Variants in SBK1 observed in about 807,000 individuals in gnomAD.
The protein encoded by SBK1 is serine/threonine-protein kinase SBK1.
In SBK1, 11 loss-of-function variants were observed where a neutral mutation model predicts 24.4. The observed-to-expected ratio is 0.45, with a 90% CI of 0.28 to 0.75. The LOEUF (loss-of-function observed/expected upper bound fraction) is 0.75, where lower values mean the gene tolerates loss of function less well. Among genes scored for constraint, SBK1 ranks in the 30% least tolerant of loss-of-function variants. SBK1 has a pLI of 0.12. For synonymous variants in SBK1, 308 were observed against 284.4 expected (o/e 1.08, Z -0.83); for missense variants, 467 against 620.5 (o/e 0.75, Z 2.63).
At chr16:28,270,276 G>A (rs1394562915) in intron 1 of SBK1, among the ~76,000 whole-genome samples, 1 of 151,886 alleles carries the variant, frequency 6.6e-6, no homozygotes, top group East Asian at 1.9e-4. Context: ...TGGCCAGGAT[G>A]GTCTCGATCT....
At position 28,259,875 on chromosome 16, in the gene SBK1, C is replaced by A. The variant is rs549881867; in HGVS notation, c.257+373C>A. Among the ~76,000 whole-genome samples, 24 of 152,184 alleles carry A rather than the reference C, an allele frequency of 1.6e-4. No homozygotes were observed. Among genetic ancestry groups the A allele is most frequent in the African/African-American group, 5.5e-4 (23 of 41,532 alleles). On this transcript the variant is annotated intron_variant, in intron 1 of 3. Transcript: ENST00000671413. The surrounding 1 kb of genome is among the most constrained non-coding windows in gnomAD (Gnocchi z 6.0). ...ATCTCACTCTGTTCCCCTATATTAA[C>A]CTCCAGTGAAACTCTGCCCAGACTT...
At chr16:28,280,325 C>A (rs796141934) in intron 1 of SBK1, among the ~76,000 whole-genome samples, 2 of 128,044 alleles carry the variant, frequency 1.6e-5, no homozygotes, top group Non-Finnish European at 1.6e-5. Context: ...TATATATATA[C>A]GTACATATGT....
chr16:28,287,254 A>G (rs1220368026), intron 1 of SBK1, among the ~76,000 whole-genome samples: 1 of 149,038 alleles, frequency 6.7e-6, no homozygotes, highest in Non-Finnish European at 1.5e-5. Flanking sequence ...CAGCCTGACC[A>G]ATATGGTGAA....
chr16:28,300,613 T>C (rs977208769), intron 1 of SBK1, among the ~76,000 whole-genome samples: 3 of 152,176 alleles, frequency 2.0e-5, no homozygotes, highest in Non-Finnish European at 2.9e-5. Flanking sequence ...CTTGAGCCGC[T>C]GTGCCTGGCC....
chr16:28,264,048 G>A (rs2044413163), intron 1 of SBK1, among the ~76,000 whole-genome samples: 1 of 152,130 alleles, frequency 6.6e-6, no homozygotes, highest in Non-Finnish European at 1.5e-5. Flanking sequence ...AGGGTTGCTT[G>A]AACCCAGGAG....
chr16:28,259,361 C>A lies in SBK1; in HGVS notation c.116C>A (p.Thr39Asn). Residue 39 changes from threonine (T) to asparagine (N), a missense_variant, in exon 1 of 4, where the codon ACC (threonine) becomes AAC (asparagine). Physicochemically the swap from Thr to Asn is moderately conservative, Grantham distance 65. Coordinates refer to the SBK1 transcript ENST00000671413. This position sits in a 1 kb window ranked among gnomAD's most constrained non-coding sequence, Gnocchi z 6.0. ...GCTGGCGATGATGCTGCGGAGGCCACCCCTGGCCACCCCTGCCCTGTCCTG... is the reference window on the plus strand; with the variant it reads ...GCTGGCGATGATGCTGCGGAGGCCAACCCTGGCCACCCCTGCCCTGTCCTG... 1 of 740,398 alleles carries A rather than the reference C, an allele frequency of 1.4e-6. No homozygotes were observed. Among genetic ancestry groups the A allele is most frequent in the Non-Finnish European group, 1.6e-6 (1 of 606,282 alleles). The allele number at this position is 740,398 out of a possible 1,614,324, so 45.9% of individuals were successfully genotyped here.
At chr16:28,260,077 T>C (rs2044387903) in intron 1 of SBK1, among the ~76,000 whole-genome samples, 1 of 94,672 alleles carries the variant, frequency 1.1e-5, no homozygotes, top group Admixed American at 1.1e-4. Context: ...CATGCATGTG[T>C]ATTTGCTTGT....
At chr16:28,272,053 T>C (rs970618956) in intron 1 of SBK1, among the ~76,000 whole-genome samples, 2 of 152,162 alleles carry the variant, frequency 1.3e-5, no homozygotes, top group Admixed American at 1.3e-4. Flanking sequence ...TCCTAACATA[T>C]TTTTAAATGT....
chr16:28,294,182 C>T (rs1258640946), intron 1 of SBK1, among the ~76,000 whole-genome samples: 4 of 152,126 alleles, frequency 2.6e-5, no homozygotes, highest in Non-Finnish European at 1.5e-5. Flanking sequence ...CAGCCTGGCC[C>T]TCAGTGAGGT....
At chr16:28,276,122 A>T (rs909894961) in intron 1 of SBK1, among the ~76,000 whole-genome samples, 1 of 152,018 alleles carries the variant, frequency 6.6e-6, no homozygotes, top group Non-Finnish European at 1.5e-5. Flanking sequence ...AATGTATCTC[A>T]TCCATCTGTT....
At chr16:28,292,377 G>T, upstream of SBK1, 1 of 220,224 alleles carries the variant, frequency 4.5e-6, no homozygotes, top group Non-Finnish European at 7.5e-6. Flanking sequence ...GGCGCGCGGC[G>T]GGAGGGCGGG....
At chr16:28,280,115 C>CTATATATATA (rs1193408430) in intron 1 of SBK1, among the ~76,000 whole-genome samples, 499 of 29,398 alleles carry the variant, frequency 0.017, 29 homozygotes, top group Middle Eastern at 0.033. Context: ...TTGAAAAAAA[C>CTATATATATA]TATATATATA....
intron 1 of SBK1, among the ~76,000 whole-genome samples, chr16:28,279,425 A>C (rs955551063): frequency 6.6e-6 from 1 of 150,686 alleles, no homozygotes; most frequent in African/African-American, 2.4e-5. Flanking sequence ...AAAAAAAAAA[A>C]AAAAAAAAAC....
At chr16:28,265,287 C>T (rs190048319) in intron 1 of SBK1, among the ~76,000 whole-genome samples, 5 of 151,932 alleles carry the variant, frequency 3.3e-5, no homozygotes, top group East Asian at 1.9e-4. Flanking sequence ...GGCATCATGG[C>T]GCATGTCTGT....
intron 1 of SBK1, among the ~76,000 whole-genome samples, chr16:28,279,617 A>G (rs922165404): frequency 2.6e-5 from 4 of 152,126 alleles, no homozygotes; most frequent in Non-Finnish European, 4.4e-5. Flanking sequence ...GTGGTTATTT[A>G]GTATCCTATG....
chr16:28,321,137 G>A lies in SBK1; in HGVS notation c.*216G>A. The A allele has an allele frequency of 5.2e-6, 2 of 384,314 alleles. No individual in the cohort carries two copies. The highest frequency in any genetic ancestry group is 9.2e-6 in the Non-Finnish European group (2 of 216,552). 23.8% of individuals were successfully genotyped at this position (384,314 alleles called of 1,614,324 possible). The stretch of plus-strand genomic sequence containing the variant: ...GCCTGGTGAGCGGGGGCTTGGCCCA[G>A]AGGAGCCAAGCCGCACAGACCCGAG... On this transcript the variant is annotated 3_prime_UTR_variant, in exon 4 of 4. Transcript: ENST00000341901.
At position 28,259,546 on chromosome 16, in the gene SBK1, C is replaced by CCCTGGGTCG; in HGVS notation, c.257+44_257+45insCCTGGGTCG. On this transcript the variant is annotated intron_variant, in intron 1 of 3. Coordinates refer to the SBK1 transcript ENST00000671413. This position sits in a 1 kb window ranked among gnomAD's most constrained non-coding sequence, Gnocchi z 6.0. ...CCAGTGGGTGGGCAGCAGGTGGGCACAGCGCTCGACCCAGGGTGCCTGTGG... is the reference window on the plus strand; with the variant it reads ...CCAGTGGGTGGGCAGCAGGTGGGCACCCTGGGTCGAGCGCTCGACCCAGGGTGCCTGTGG... The CCCTGGGTCG allele has an allele frequency of 1.5e-6, 1 of 665,204 alleles. No individual in the cohort carries two copies. Among genetic ancestry groups the CCCTGGGTCG allele is most frequent in the Non-Finnish European group, 1.9e-6 (1 of 537,422 alleles). 41.2% of individuals were successfully genotyped at this position (665,204 alleles called of 1,614,324 possible). A position where few individuals can be genotyped will look rare whatever the true frequency, so the allele number is the denominator to read the frequency against.
intron 1 of SBK1, among the ~76,000 whole-genome samples, chr16:28,306,072 C>T (rs2044714474): frequency 6.6e-6 from 1 of 152,114 alleles, no homozygotes; most frequent in Non-Finnish European, 1.5e-5. Context: ...AGATCGATCC[C>T]ATCTGCTAGG....
intron 1 of SBK1, among the ~76,000 whole-genome samples, chr16:28,280,395 A>C (rs1369166440): frequency 1.3e-5 from 2 of 148,868 alleles, no homozygotes; most frequent in African/African-American, 2.5e-5. Context: ...GGATCTCACT[A>C]TGTTGCCCAG....
Sources: gnomAD v4.1 joint callset for allele counts (sites outside exome capture counted in the v4.1 genomes callset) on GRCh38, gnomAD v4.1.1 for gene constraint, Gnocchi (gnomAD v3.1) non-coding constraint, MANE v1.5 for transcripts, NCBI Gene and HGNC (gene_info 2026-07-23, HGNC 2026-07-21) for gene names.